EHMT2: variants seen among roughly 807,000 people sequenced by gnomAD.
The protein encoded by EHMT2 is histone-lysine N-methyltransferase EHMT2.
In EHMT2, 59 loss-of-function variants were observed where a neutral mutation model predicts 143.3. That is an observed-to-expected ratio of 0.41 (90% CI 0.33 to 0.51). The LOEUF (loss-of-function observed/expected upper bound fraction) is 0.51, where lower values mean the gene tolerates loss of function less well. EHMT2 is among the 20% of genes least tolerant of loss of function. EHMT2 has a pLI of 0.18. For synonymous variants in EHMT2, 604 were observed against 651.5 expected (o/e 0.93, Z 1.11); for missense variants, 1,174 against 1,645.9 (o/e 0.71, Z 4.96).
At position 31,888,536 on chromosome 6, in the gene EHMT2, A is replaced by G; in HGVS notation, c.1366-30T>C. The G allele has an allele frequency of 6.2e-7, 1 of 1,610,348 alleles. No individual in the cohort carries two copies. The highest frequency in any genetic ancestry group is 2.2e-5 in the East Asian group (1 of 44,816). On this transcript the variant is annotated intron_variant, in intron 11 of 27. Transcript: ENST00000375537. The surrounding 1 kb of genome is among the most constrained non-coding windows in gnomAD (Gnocchi z 7.4). ...GCGCAGTGAGGATGGGTGAGAAGAG[A>G]GCGTGAGGCTGGGGCCGGGGACTGG...
chr6:31,892,039 A>G (rs1420238574), intron 7 of EHMT2, among the ~76,000 whole-genome samples: 2 of 152,148 alleles, frequency 1.3e-5, no homozygotes, highest in African/African-American at 4.8e-5. Context: ...GTCAGGAGTT[A>G]GAGACCAGCC....
Position 31,880,123 on chromosome 6 carries a change from C to T in EHMT2, c.3594G>A (p.Leu1198=), listed in dbSNP as rs1228911253. Residue 1198 remains leucine, a synonymous_variant, in exon 28 of 28, where the codon CTG becomes CTA. Transcript: ENST00000375537. This position sits in a 1 kb window ranked among gnomAD's most constrained non-coding sequence, Gnocchi z 6.6. Reference sequence around the variant, plus strand: ...GGGGCAGGGAGCCGAGCTCGGGCAGCAGCTCAGGGTGTGGGTCCAGGCGGG... The same window carrying T: ...GGGGCAGGGAGCCGAGCTCGGGCAGTAGCTCAGGGTGTGGGTCCAGGCGGG... The T allele has an allele frequency of 7.4e-6, 12 of 1,612,790 alleles. No homozygotes were observed. Among genetic ancestry groups the T allele is most frequent in the Non-Finnish European group, 6.8e-6 (8 of 1,180,010 alleles).
chr6:31,892,890 C>A, exon 5 of EHMT2: 2 of 1,582,592 alleles, frequency 1.3e-6, no homozygotes, highest in Non-Finnish European at 1.7e-6. Context: ...TTTCAGGGGG[C>A]CGCTTCTCAG....
At position 31,887,974 on chromosome 6, in the gene EHMT2, G is replaced by A. The variant is rs764287149; in HGVS notation, c.1746-13C>T. 9.5e-6 allele frequency: 15 copies of A among 1,582,966 alleles called. No homozygotes were observed. The highest frequency in any genetic ancestry group is 1.3e-5 in the African/African-American group (1 of 74,312). ...TCGCATCCGGGCACTGTGGAAGAAG[G>A]AGCTCATGTCCAGGAGCAATAGGGG... On this transcript the variant is annotated splice_polypyrimidine_tract_variant and intron_variant, in intron 13 of 27. Coordinates refer to ENST00000375537, the Ensembl canonical transcript of EHMT2.
intron 1 of EHMT2, chr6:31,897,208 G>C (rs1464525442): frequency 8.0e-7 from 1 of 1,252,896 alleles, no homozygotes; most frequent in African/African-American, 1.6e-5. Flanking sequence ...CGCATCTCTG[G>C]GGCCGAGAGA....
chr6:31,881,133 C>A lies in EHMT2; in HGVS notation c.3198-41G>T. On this transcript the variant is annotated intron_variant, in intron 25 of 27. Coordinates refer to ENST00000375537, the Ensembl canonical transcript of EHMT2. This position sits in a 1 kb window ranked among gnomAD's most constrained non-coding sequence, Gnocchi z 4.8. The stretch of plus-strand genomic sequence containing the variant: ...CCATGGTTCTGAAGGTGAGTGTGGG[C>A]TATTAGGAGGTGGCTCCAGGCCCCA... 2 of 1,569,790 alleles carry A rather than the reference C, an allele frequency of 1.3e-6. No individual in the cohort carries two copies. Among genetic ancestry groups the A allele is most frequent in the Non-Finnish European group, 1.8e-6 (2 of 1,141,192 alleles).
chr6:31,888,501 T>C lies in EHMT2; in HGVS notation c.1371A>G (p.Ser457=). The C allele has an allele frequency of 6.2e-7, 1 of 1,612,446 alleles. No individual in the cohort carries two copies. The highest frequency in any genetic ancestry group is 8.5e-7 in the Non-Finnish European group (1 of 1,179,688). The stretch of plus-strand genomic sequence containing the variant: ...GCTTGAGGATGGCGGCATTGCAGCC[T>C]GACAGCTGTGCGCAGTGAGGATGGG... Residue 457 remains serine, a synonymous_variant, in exon 12 of 28, where the codon TCA becomes TCG. Transcript: ENST00000375537. This position sits in a 1 kb window ranked among gnomAD's most constrained non-coding sequence, Gnocchi z 7.4.
At chr6:31,879,782 T>C (rs1763858957) in exon 28 of EHMT2, 3 of 455,326 alleles carry the variant, frequency 6.6e-6, no homozygotes, top group South Asian at 9.6e-5. Context: ...CCAACATTTA[T>C]TGAGAACAAA....
chr6:31,891,764 T>C (rs1199606477), intron 7 of EHMT2, among the ~76,000 whole-genome samples: 1 of 152,248 alleles, frequency 6.6e-6, no homozygotes. Flanking sequence ...GAATTTTATA[T>C]AAACAGCATA....
In EHMT2 at chr6:31,880,363, C is replaced by A; in HGVS notation, c.3453-99G>T. 7.4e-7 allele frequency: 1 copy of A among 1,345,322 alleles called. No individual in the cohort carries two copies. The highest frequency in any genetic ancestry group is 2.4e-5 in the East Asian group (1 of 42,414). 83.3% of individuals were successfully genotyped at this position (1,345,322 alleles called of 1,614,324 possible). On this transcript the variant is annotated intron_variant, in intron 27 of 27. Transcript: ENST00000375537. This position sits in a 1 kb window ranked among gnomAD's most constrained non-coding sequence, Gnocchi z 6.6. ...CCTGCTCCCTGAGAGGGACCCGACA[C>A]CCAACCTATCTTCTCCAGATGGGAT...
Position 31,883,429 on chromosome 6 carries a change from C to T in EHMT2, c.2927G>A (p.Cys976Tyr). The T allele has an allele frequency of 6.2e-7, 1 of 1,612,730 alleles. No homozygotes were observed. Among genetic ancestry groups the T allele is most frequent in the Non-Finnish European group, 8.5e-7 (1 of 1,179,852 alleles). The change falls in exon 23 of 28, where the codon TGT becomes TAT. Residue 976 changes from cysteine (C) to tyrosine (Y), a missense_variant. Physicochemically the swap from Cys to Tyr is radical, Grantham distance 194. Coordinates refer to ENST00000375537, the Ensembl canonical transcript of EHMT2. This position sits in a 1 kb window ranked among gnomAD's most constrained non-coding sequence, Gnocchi z 5.6. Reference sequence around the variant, plus strand: ...GTTGGAGCTAGAGCAGTCGTCCACACACGTGCAGTGCTGGGGCGAGGAGGC... The same window carrying T: ...GTTGGAGCTAGAGCAGTCGTCCACATACGTGCAGTGCTGGGGCGAGGAGGC...
intron 4 of EHMT2, chr6:31,893,193 C>T (rs1411720983): frequency 5.7e-6 from 3 of 529,846 alleles, no homozygotes; most frequent in Non-Finnish European, 6.7e-6. Flanking sequence ...TTATATGTGG[C>T]CATATACACA....
In EHMT2 at chr6:31,882,209, TG is replaced by T. The variant is rs1764195669; in HGVS notation, c.3197+489del. ...AGAGAAAGGGGGAGATTACAGATGC[TG>T]GGCAGAGAAAGAACTGATGGAGAGG... On this transcript the variant is annotated intron_variant, in intron 25 of 27. Transcript: ENST00000375537. Among the ~76,000 whole-genome samples, 4 of 150,890 alleles carry T rather than the reference TG, an allele frequency of 2.7e-5. No homozygotes were observed. The South Asian group carries it at 6.3e-4, about 24-fold the overall frequency.
In EHMT2 at chr6:31,884,843, C is replaced by A. The variant is rs1394793545; in HGVS notation, c.2449-44G>T. ...AACAGATGAGGTGCAGGCAGCTGGG[C>A]CCTTGAATCCAGCCTCCACCTTGCT... On this transcript the variant is annotated intron_variant, in intron 19 of 27. Transcript: ENST00000375537. The surrounding 1 kb of genome is among the most constrained non-coding windows in gnomAD (Gnocchi z 7.3). 8.2e-6 allele frequency: 13 copies of A among 1,577,762 alleles called. No homozygotes were observed. The highest frequency in any genetic ancestry group is 1.1e-5 in the Non-Finnish European group (13 of 1,156,166).
chr6:31,897,345 GC>G, intron 1 of EHMT2: 1 of 467,070 alleles, frequency 2.1e-6, no homozygotes, highest in Non-Finnish European at 3.4e-6. Flanking sequence ...AGCACCCGCT[GC>G]CCCCCAGCCC....
At chr6:31,882,853 G>C (rs747020320) in intron 24 of EHMT2, 41 bp downstream of exon 24, 2 of 1,611,748 alleles carry the variant, frequency 1.2e-6, no homozygotes, top group South Asian at 2.2e-5. Context: ...GGGAGGAAAG[G>C]GTGAGGTGGG....
At chr6:31,886,363 G>A in intron 18 of EHMT2, 1 of 570,210 alleles carries the variant, frequency 1.8e-6, no homozygotes, top group Non-Finnish European at 3.1e-6. Flanking sequence ...GACACTTTCA[G>A]AGATTAAGAC....
Position 31,883,991 on chromosome 6 carries a change from G to A in EHMT2, c.2772-41C>T, listed in dbSNP as rs71563386. On this transcript the variant is annotated intron_variant, in intron 21 of 27. Coordinates refer to ENST00000375537, the Ensembl canonical transcript of EHMT2. This position sits in a 1 kb window ranked among gnomAD's most constrained non-coding sequence, Gnocchi z 5.6. Reference sequence around the variant, plus strand: ...AGAAGGGGCTGGGAAGCTGGAAAAGGGGGTGAGGAGCTACTCCAGGTATAA... The same window carrying A: ...AGAAGGGGCTGGGAAGCTGGAAAAGAGGGTGAGGAGCTACTCCAGGTATAA... 4 of 1,605,212 alleles carry A rather than the reference G, an allele frequency of 2.5e-6. No individual in the cohort carries two copies. Among genetic ancestry groups the A allele is most frequent in the Non-Finnish European group, 2.6e-6 (3 of 1,174,628 alleles).
In EHMT2 at chr6:31,880,732, C is replaced by T; in HGVS notation, c.3393G>A (p.Leu1131=). The stretch of plus-strand genomic sequence containing the variant: ...TGAAGAAGGCGATGCGTGGAAATCG[C>T]AGGTCTTGGTGCAGCATGAAGACCC... The change falls in exon 27 of 28, where the codon CTG becomes CTA. Residue 1131 remains leucine (L), a synonymous_variant. Coordinates refer to ENST00000375537, the Ensembl canonical transcript of EHMT2. This position sits in a 1 kb window ranked among gnomAD's most constrained non-coding sequence, Gnocchi z 6.6. 1.9e-6 allele frequency: 3 copies of T among 1,613,994 alleles called. No individual in the cohort carries two copies. Among genetic ancestry groups the T allele is most frequent in the Non-Finnish European group, 2.5e-6 (3 of 1,180,032 alleles).
Sources: allele counts gnomAD v4.1 joint callset (sites outside exome capture counted in the v4.1 genomes callset), GRCh38; gene constraint gnomAD v4.1.1; non-coding constraint Gnocchi (gnomAD v3.1); transcripts MANE v1.5; gene names NCBI Gene and HGNC (gene_info 2026-07-23, HGNC 2026-07-21).